ZNF423: variants seen among roughly 807,000 people sequenced by gnomAD.
ZNF423 encodes Ebf-associated zinc finger protein.
A neutral mutation model predicts 95.8 loss-of-function variants in ZNF423; 12 were observed. That is an observed-to-expected ratio of 0.13 (90% confidence interval 0.08 to 0.20). ZNF423 has a LOEUF of 0.20. Ranked by LOEUF, ZNF423 falls within the 10% of genes least tolerant of loss-of-function variation. The pLI, the probability that ZNF423 is intolerant of heterozygous loss-of-function variation, is 1.00. For synonymous variants in ZNF423, 749 were observed against 711.9 expected, an observed-to-expected ratio of 1.05 and a Z score of -0.83; for missense variants, 1,316 against 1,737.1, an observed-to-expected ratio of 0.76 and a Z score of 4.31.
chr16:49,620,035 G>A (rs1972005985), intron 5 of ZNF423, among the ~76,000 whole-genome samples: 2 of 151,910 alleles, frequency 1.3e-5, no homozygotes, highest in South Asian at 4.2e-4. Flanking sequence ...GGCTCTGCAA[G>A]GTGGTTTGAA....
chr16:49,616,845 C>T (rs1376313787), intron 5 of ZNF423, among the ~76,000 whole-genome samples: 3 of 152,082 alleles, frequency 2.0e-5, no homozygotes, highest in African/African-American at 7.2e-5. Context: ...GCCGGTTTTT[C>T]CTCTCTAAAC....
chr16:49,632,578 G>A (rs902856459), intron 4 of ZNF423, among the ~76,000 whole-genome samples: 2 of 152,104 alleles, frequency 1.3e-5, no homozygotes, highest in South Asian at 2.1e-4. Context: ...AAGGCCTGGG[G>A]GCCCCCAGGA....
At chr16:49,835,597 G>A (rs1189869181) in intron 1 of ZNF423, among the ~76,000 whole-genome samples, 4 of 152,190 alleles carry the variant, frequency 2.6e-5, no homozygotes, top group African/African-American at 9.7e-5. Flanking sequence ...CCCTGGCTGG[G>A]CCTGACCCAA....
chr16:49,688,631 G>A (rs1244441124), intron 3 of ZNF423, among the ~76,000 whole-genome samples: 1 of 152,232 alleles, frequency 6.6e-6, no homozygotes, highest in Non-Finnish European at 1.5e-5. Context: ...CATTTCAAAT[G>A]TCTAGTGACT....
intron 2 of ZNF423, among the ~76,000 whole-genome samples, chr16:49,756,781 C>T (rs892478786): frequency 3.9e-5 from 6 of 152,198 alleles, no homozygotes; most frequent in Non-Finnish European, 7.3e-5. Flanking sequence ...GGGGGAAGCA[C>T]CCATGATGAG....
At chr16:49,595,591 T>C (rs1436746562) in intron 5 of ZNF423, among the ~76,000 whole-genome samples, 1 of 152,198 alleles carries the variant, frequency 6.6e-6, no homozygotes, top group Non-Finnish European at 1.5e-5. Flanking sequence ...GCTAACAAAA[T>C]TTTTCTGTGC....
chr16:49,533,760 G>A (rs1431350341), intron 5 of ZNF423, among the ~76,000 whole-genome samples: 1 of 152,184 alleles, frequency 6.6e-6, no homozygotes, highest in African/African-American at 2.4e-5. Flanking sequence ...GGTGACACTG[G>A]GCCAAGCGCT....
In ZNF423 at chr16:49,635,731, C is replaced by T; in HGVS notation, c.3445G>A (p.Val1149Met). 2 of 1,611,384 alleles carry T rather than the reference C, an allele frequency of 1.2e-6. No individual in the cohort carries two copies. Among genetic ancestry groups the T allele is most frequent in the African/African-American group, 1.3e-5 (1 of 74,900 alleles). The change falls in exon 4 of 8, where the codon GTG (valine) becomes ATG (methionine). Residue 1149 changes from valine (V) to methionine (M), a missense_variant. Val to Met is a conservative substitution (Grantham distance 21). Coordinates refer to ENST00000563137, the MANE Select transcript of ZNF423 (RefSeq NM_001379286.1). The surrounding 1 kb of genome is among the most constrained non-coding windows in gnomAD (Gnocchi z 4.8). ...SAEDLESHMQVDHRDLTPETS... is the reference protein window; with the variant it reads ...SAEDLESHMQMDHRDLTPETS... Reference sequence around the variant, plus strand: ...TCCGGCGTGAGGTCACGGTGGTCCACCTGCATGTGGCTCTCCAGGTCTTCG... The same window carrying T: ...TCCGGCGTGAGGTCACGGTGGTCCATCTGCATGTGGCTCTCCAGGTCTTCG...
At chr16:49,783,469 T>C (rs2034250539) in intron 2 of ZNF423, among the ~76,000 whole-genome samples, 1 of 112,616 alleles carries the variant, frequency 8.9e-6, no homozygotes, top group East Asian at 2.8e-4. Flanking sequence ...GGGTTAGGGT[T>C]AGGGTTAGAG....
chr16:49,537,394 T>C (rs182305368), intron 5 of ZNF423, among the ~76,000 whole-genome samples: 1 of 152,376 alleles, frequency 6.6e-6, no homozygotes, highest in Admixed American at 6.5e-5. Flanking sequence ...GTGTGATTTC[T>C]CAGCTCTGCT....
intron 1 of ZNF423, among the ~76,000 whole-genome samples, chr16:49,818,645 G>A (rs1391368427): frequency 6.6e-6 from 1 of 152,108 alleles, no homozygotes; most frequent in Non-Finnish European, 1.5e-5. Flanking sequence ...CAGCTACTCT[G>A]GAGGCTGATG....
chr16:49,728,200 T>C (rs2033076784), intron 3 of ZNF423, among the ~76,000 whole-genome samples: 1 of 152,110 alleles, frequency 6.6e-6, no homozygotes, highest in Non-Finnish European at 1.5e-5. Flanking sequence ...GGGAACTGTT[T>C]TGAATAATAC....
chr16:49,493,083 A>AT (rs1967036949), intron 7 of ZNF423, among the ~76,000 whole-genome samples: 1 of 152,126 alleles, frequency 6.6e-6, no homozygotes, highest in Admixed American at 6.5e-5. Context: ...GATGGGATGC[A>AT]GGCGGTTTCC....
chr16:49,679,021 C>T (rs569134130), intron 3 of ZNF423, among the ~76,000 whole-genome samples: 36 of 152,326 alleles, frequency 2.4e-4, no homozygotes, highest in African/African-American at 6.5e-4. Flanking sequence ...CACAGTGACT[C>T]GCAAGCACAC....
chr16:49,548,259 T>C (rs940520466), intron 5 of ZNF423, among the ~76,000 whole-genome samples: 4 of 152,144 alleles, frequency 2.6e-5, no homozygotes, highest in Admixed American at 2.6e-4. Context: ...TACAGTAAAA[T>C]TTATCAACAT....
intron 1 of ZNF423, among the ~76,000 whole-genome samples, chr16:49,838,328 G>A (rs2035143209): frequency 6.6e-6 from 1 of 152,194 alleles, no homozygotes; most frequent in South Asian, 2.1e-4. Flanking sequence ...TTACTTCCCC[G>A]TGCCTCGGTT....
At chr16:49,601,105 A>C (rs890941716) in intron 5 of ZNF423, among the ~76,000 whole-genome samples, 2 of 152,224 alleles carry the variant, frequency 1.3e-5, no homozygotes, top group Non-Finnish European at 2.9e-5. Context: ...AAGGCATTCA[A>C]GGATTCGGAA....
intron 5 of ZNF423, among the ~76,000 whole-genome samples, chr16:49,585,169 C>T (rs1970789082): frequency 6.6e-6 from 1 of 152,202 alleles, no homozygotes; most frequent in South Asian, 2.1e-4. Context: ...AATCTCTTCC[C>T]CCAAGACCCC....
At chr16:49,722,635 C>A (rs2032898581) in intron 3 of ZNF423, among the ~76,000 whole-genome samples, 1 of 152,206 alleles carries the variant, frequency 6.6e-6, no homozygotes, top group Non-Finnish European at 1.5e-5. Flanking sequence ...TTTTTTCTAT[C>A]TCATATCCCA....
Sources: allele counts gnomAD v4.1 joint callset (sites outside exome capture counted in the v4.1 genomes callset), GRCh38; gene constraint gnomAD v4.1.1; non-coding constraint Gnocchi (gnomAD v3.1); transcripts MANE v1.5; gene names NCBI Gene and HGNC (gene_info 2026-07-23, HGNC 2026-07-21).